The following HGD variants were observed in gnomAD, a reference collection of about 807,000 sequenced individuals.
HGD encodes homogentisate oxidase.
Under a neutral mutation model 60.8 loss-of-function variants are expected in HGD, and 61 were observed. That is an observed-to-expected ratio of 1.00 (90% confidence interval 0.82 to 1.24). The LOEUF is 1.24. Ranked by LOEUF, HGD falls within the 50% of genes most tolerant of loss-of-function variation. The pLI is 0.00. For missense variants in HGD, 542 were observed against 547.1 expected, an observed-to-expected ratio of 0.99 and a Z score of 0.09; for synonymous variants, 212 against 187.7, an observed-to-expected ratio of 1.13 and a Z score of -1.06.
intron 4 of HGD, among the ~76,000 whole-genome samples, chr3:120,669,542 G>C (rs1026597694): frequency 6.6e-6 from 1 of 151,626 alleles, no homozygotes; most frequent in Non-Finnish European, 1.5e-5. Context: ...TTTAAGTTCT[G>C]CCTAAAGGTT....
intron 12 of HGD, 50 bp from the exon 13 acceptor site, chr3:120,633,378 A>G: frequency 6.2e-7 from 1 of 1,613,860 alleles, no homozygotes; most frequent in Non-Finnish European, 8.5e-7. Context: ...CAAGACCAGT[A>G]AAACACAAAG....
At chr3:120,679,963 G>A (rs962469413) in intron 1 of HGD, among the ~76,000 whole-genome samples, 9 of 152,174 alleles carry the variant, frequency 5.9e-5, no homozygotes, top group East Asian at 1.9e-4. Context: ...AATCAGTTAC[G>A]TAGAATAGTA....
intron 1 of HGD, among the ~76,000 whole-genome samples, chr3:120,676,513 C>T (rs556020015): frequency 6.6e-6 from 1 of 152,322 alleles, no homozygotes; most frequent in Admixed American, 6.5e-5. Flanking sequence ...TCTTGCAACA[C>T]TCAACACACT....
chr3:120,659,459 G>A (rs1941594619), intron 4 of HGD, among the ~76,000 whole-genome samples: 1 of 152,140 alleles, frequency 6.6e-6, no homozygotes. Flanking sequence ...TCTTTGCTAA[G>A]GCATAACAAG....
At chr3:120,671,344 A>G (rs1708021107) in intron 3 of HGD, among the ~76,000 whole-genome samples, 1 of 152,138 alleles carries the variant, frequency 6.6e-6, no homozygotes, top group Admixed American at 6.6e-5. Flanking sequence ...TATTTCCTTT[A>G]TTATGAATTA....
intron 4 of HGD, 57 bp downstream of exon 4, chr3:120,670,370 T>C: frequency 1.2e-6 from 1 of 844,260 alleles, no homozygotes; most frequent in Non-Finnish European, 2.1e-6. Context: ...TCTATTTAGG[T>C]ATTTCTAGTC....
chr3:120,636,941 C>G (rs1452626149), intron 12 of HGD, among the ~76,000 whole-genome samples: 2 of 152,100 alleles, frequency 1.3e-5, no homozygotes, highest in Non-Finnish European at 2.9e-5. Context: ...CTAGAATGTT[C>G]CAGGTGGAAT....
chr3:120,663,922 G>A (rs781611221), intron 4 of HGD, among the ~76,000 whole-genome samples: 1 of 139,824 alleles, frequency 7.2e-6, no homozygotes, highest in Non-Finnish European at 1.6e-5. Flanking sequence ...CTTAATTATA[G>A]TAAATATATA....
chr3:120,644,703 A>G (rs1941105759), intron 9 of HGD: 1 of 1,112,522 alleles, frequency 9.0e-7, no homozygotes, highest in African/African-American at 1.6e-5. Context: ...TCTTATATGC[A>G]TTATCTTATC....
chr3:120,637,954 T>C (rs1240829623), intron 12 of HGD, among the ~76,000 whole-genome samples: 1 of 152,170 alleles, frequency 6.6e-6, no homozygotes, highest in Non-Finnish European at 1.5e-5. Context: ...GTTTGGGTAA[T>C]GGAGGCAGAT....
intron 3 of HGD, 172 bp downstream of exon 3, chr3:120,674,729 G>A (rs1039799190): frequency 4.2e-5 from 26 of 612,212 alleles, no homozygotes; most frequent in African/African-American, 3.3e-4. Context: ...CCAGTCACTT[G>A]GTGCTAGCTG....
In HGD at chr3:120,646,362, C is replaced by A; in HGVS notation, c.554G>T (p.Gly185Val). Residue 185 changes from glycine (G) to valine (V), a missense_variant, in exon 9 of 14, where the codon GGA (glycine) becomes GTA (valine). This residue lies in a region of HGD where 537 missense variants were observed against 529.1 expected (regional missense o/e 1.01). Coordinates refer to ENST00000283871, the MANE Select transcript of HGD (RefSeq NM_000187.4). Reference sequence around the variant, plus strand: ...AAAGACATCTATGCTGAACCGCATTCCTCTCTGGAATGGAAAGCAGACACT... The same window carrying A: ...AAAGACATCTATGCTGAACCGCATTACTCTCTGGAATGGAAAGCAGACACT... Reference protein sequence around the residue: ...QPNEICVIQRGMRFSIDVFEE... With the variant: ...QPNEICVIQRVMRFSIDVFEE... The A allele has an allele frequency of 6.2e-7, 1 of 1,606,866 alleles. No homozygotes were observed. Among genetic ancestry groups the A allele is most frequent in the Non-Finnish European group, 8.5e-7 (1 of 1,173,534 alleles).
rs201866348 is a variant in HGD, at chr3:120,646,656, TA to T, written c.550-291del. On this transcript the variant is annotated intron_variant, in intron 8 of 13. Coordinates refer to ENST00000283871, the MANE Select transcript of HGD (RefSeq NM_000187.4). ...AATGGTAAGCCTGATTTAGCCACAC[TA>T]AAAAAAAAAAAAGTCCACCTTCACT... is the stretch of plus-strand genomic sequence containing the variant. 5.6e-3 allele frequency among the ~76,000 whole-genome samples: 789 copies of T among 140,888 alleles called. 1 individual carries two copies. The highest frequency in any genetic ancestry group is 7.7e-3 in the Non-Finnish European group (495 of 64,296). The allele number at this position is 140,888 out of a possible 152,430, so 92.4% of individuals were successfully genotyped here.
intron 9 of HGD, 178 bp from the exon 10 acceptor site, chr3:120,644,621 T>G (rs946316311): frequency 1.3e-6 from 2 of 1,530,860 alleles, no homozygotes; most frequent in Admixed American, 3.9e-5. Flanking sequence ...CCAAGGAATC[T>G]GGTCAGAAAA....
At chr3:120,648,536 T>C (rs538781543) in intron 6 of HGD, among the ~76,000 whole-genome samples, 10 of 152,362 alleles carry the variant, frequency 6.6e-5, no homozygotes, top group South Asian at 4.1e-4. Context: ...CCAGAGGTAG[T>C]GTATAATAAG....
At chr3:120,679,694 G>A (rs1305356595) in intron 1 of HGD, among the ~76,000 whole-genome samples, 1 of 152,146 alleles carries the variant, frequency 6.6e-6, no homozygotes, top group Non-Finnish European at 1.5e-5. Flanking sequence ...CAAAAGCAGA[G>A]ATACATTTTT....
At position 120,633,206 on chromosome 3, in the gene HGD, A is replaced by G. The variant is rs1402010930; in HGVS notation, c.1129T>C (p.Cys377Arg). 6.2e-7 allele frequency: 1 copy of G among 1,614,110 alleles called. No homozygotes were observed. The highest frequency in any genetic ancestry group is 1.3e-5 in the African/African-American group (1 of 75,014). Residue 377 changes from cysteine (C) to arginine (R), a missense_variant, in exon 13 of 14, where the codon TGC (cysteine) becomes CGC (arginine). Cys to Arg is a radical substitution (Grantham distance 180). Transcript: ENST00000283871. ...TTGACCTTGCTGGCCTTCTCAAAGC[A>G]GTCAGCATCAGGTCCATGGGGGGTC... ...TMTPHGPDAD[C>R]FEKASKVKLA...
At chr3:120,633,578 A>G (rs1284004762) in intron 12 of HGD, 1 of 1,437,882 alleles carries the variant, frequency 7.0e-7, no homozygotes, top group Non-Finnish European at 9.2e-7. Flanking sequence ...CTCTGACAGG[A>G]ATCAGGCTAG....
chr3:120,639,062 T>C (rs892708258), intron 11 of HGD, among the ~76,000 whole-genome samples: 5 of 152,190 alleles, frequency 3.3e-5, no homozygotes, highest in African/African-American at 1.2e-4. Flanking sequence ...TCCCCAGCCA[T>C]GTGGAACTGT....
Sources: allele counts gnomAD v4.1 joint callset (sites outside exome capture counted in the v4.1 genomes callset), GRCh38; gene constraint gnomAD v4.1.1; regional missense constraint gnomAD v4.1.1; transcripts MANE v1.5; gene names NCBI Gene and HGNC (gene_info 2026-07-23, HGNC 2026-07-21).